The following SUSD5 variants were observed in gnomAD, a reference collection of about 807,000 sequenced individuals.
The protein encoded by SUSD5 is sushi domain-containing protein 5.
Under a neutral mutation model 29.5 loss-of-function variants are expected in SUSD5, and 33 were observed. The observed-to-expected ratio is 1.12, with a 90% confidence interval of 0.85 to 1.49. The LOEUF is 1.49. Among genes scored for constraint, SUSD5 ranks in the 40% most tolerant of loss-of-function variants. The probability of loss-of-function intolerance (pLI) is 0.00; values close to 1 mark genes in which losing one functional copy is unlikely to be tolerated. For missense variants in SUSD5, 776 were observed against 800.6 expected, an observed-to-expected ratio of 0.97 and a Z score of 0.37; for synonymous variants, 308 against 325.3, an observed-to-expected ratio of 0.95 and a Z score of 0.57.
intron 3 of SUSD5, among the ~76,000 whole-genome samples, chr3:33,194,951 T>C (rs957991889): frequency 2.6e-5 from 4 of 152,170 alleles, no homozygotes; most frequent in African/African-American, 7.2e-5. Flanking sequence ...TCCCAGCACT[T>C]TGGGAGGCCG....
At chr3:33,189,433 CGCTACTGCACTCCA>C (rs1435222345) in intron 3 of SUSD5, among the ~76,000 whole-genome samples, 2 of 137,632 alleles carry the variant, frequency 1.5e-5, no homozygotes, top group Non-Finnish European at 3.0e-5. Context: ...GCTGAGATCA[CGCTACTGCACTCCA>C]GCCCGGTGGG....
chr3:33,207,672 T>C, intron 3 of SUSD5, 136 bp downstream of exon 3: 2 of 582,820 alleles, frequency 3.4e-6, no homozygotes, highest in Non-Finnish European at 6.0e-6. Context: ...CACTATTGGC[T>C]TTTCTTTGGA....
At position 33,150,305 on chromosome 3, in the gene SUSD5, T is replaced by C. The variant is rs2030839177; in HGVS notation, c.*2437A>G. ...AGTCCATGTCTACAAATAAAACATT[T>C]ACCTGTATTAATAATTTGTAATAAA... On this transcript the variant is annotated 3_prime_UTR_variant, in exon 5 of 5. Transcript: ENST00000309558. 1 of 151,956 alleles carries C rather than the reference T, an allele frequency of 6.6e-6. No individual in the cohort carries two copies. The highest frequency in any genetic ancestry group is 2.4e-5 in the African/African-American group (1 of 41,380). 9.4% of individuals were successfully genotyped at this position (151,956 alleles called of 1,614,324 possible).
chr3:33,217,612 A>C (rs1219720533), intron 1 of SUSD5, among the ~76,000 whole-genome samples: 1 of 152,190 alleles, frequency 6.6e-6, no homozygotes, highest in African/African-American at 2.4e-5. Flanking sequence ...TCAAGCCTGC[A>C]CTTAAAACAG....
At chr3:33,170,070 C>T (rs1225584779) in intron 4 of SUSD5, among the ~76,000 whole-genome samples, 1 of 152,080 alleles carries the variant, frequency 6.6e-6, no homozygotes, top group Non-Finnish European at 1.5e-5. Context: ...GGCGCAATGC[C>T]ACCACGCCCA....
chr3:33,195,758 CAG>C (rs2031983772), intron 3 of SUSD5, among the ~76,000 whole-genome samples: 2 of 108,026 alleles, frequency 1.9e-5, no homozygotes, highest in South Asian at 3.1e-4. Flanking sequence ...AAAAAAAAAA[CAG>C]AATGCAATCT....
intron 4 of SUSD5, among the ~76,000 whole-genome samples, chr3:33,171,686 G>A (rs2031431089): frequency 2.6e-5 from 4 of 152,120 alleles, no homozygotes; most frequent in Admixed American, 1.3e-4. Context: ...GCACTGCAGC[G>A]TGGCTATGGT....
At chr3:33,186,378 C>T (rs1559451687) in intron 3 of SUSD5, among the ~76,000 whole-genome samples, 1 of 151,432 alleles carries the variant, frequency 6.6e-6, no homozygotes, top group Non-Finnish European at 1.5e-5. Flanking sequence ...GTGCTTTAAG[C>T]CACCCTGACT....
chr3:33,186,255 T>C (rs1225642950), intron 3 of SUSD5, among the ~76,000 whole-genome samples: 1 of 151,266 alleles, frequency 6.6e-6, no homozygotes, highest in Admixed American at 6.6e-5. Context: ...TGAGCCGAGA[T>C]TGCGCCACTG....
At chr3:33,197,120 G>GA (rs2032011194) in intron 3 of SUSD5, among the ~76,000 whole-genome samples, 1 of 152,108 alleles carries the variant, frequency 6.6e-6, no homozygotes, top group Non-Finnish European at 1.5e-5. Flanking sequence ...TGCAGCCTCA[G>GA]GGTCAAAAAA....
chr3:33,191,376 C>T (rs993929814), intron 3 of SUSD5, among the ~76,000 whole-genome samples: 17 of 152,112 alleles, frequency 1.1e-4, no homozygotes, highest in Admixed American at 8.5e-4. Flanking sequence ...ATGATCCACC[C>T]GCCTCGGCCT....
At chr3:33,207,327 C>T (rs1035919765) in intron 3 of SUSD5, among the ~76,000 whole-genome samples, 13 of 152,230 alleles carry the variant, frequency 8.5e-5, no homozygotes, top group Non-Finnish European at 1.6e-4. Flanking sequence ...TTACCATTCC[C>T]ATGCACACGG....
In SUSD5 at chr3:33,162,888, G is replaced by C. The variant is rs543901454; in HGVS notation, c.599-8855C>G. 9.1e-5 allele frequency among the ~76,000 whole-genome samples: 13 copies of C among 143,044 alleles called. No homozygotes were observed. The South Asian group carries it at 2.4e-3, about 27-fold the overall frequency. The allele number at this position is 143,044 out of a possible 152,430, so 93.8% of individuals were successfully genotyped here. A position where few individuals can be genotyped will look rare whatever the true frequency, so the allele number is the denominator to read the frequency against. ...CCTGAGATGGTGCCATTGCACTCCA[G>C]CCTGGGCAACGAGAGCAAAACTCCA... On this transcript the variant is annotated intron_variant, in intron 4 of 4. Coordinates refer to ENST00000309558, the MANE Select transcript of SUSD5 (RefSeq NM_015551.2).
chr3:33,153,475 GC>G lies in SUSD5; in HGVS notation c.1156del (p.Ala386GlnfsTer14). On this transcript the variant is annotated frameshift_variant, in exon 5 of 5. Transcript: ENST00000309558. LOFTEE classifies it low-confidence loss of function (END_TRUNC). ...VTEGAWRKTE[A>X]EEEEDGDRGD... is the part of the protein sequence containing the mutation. ...TCTGTCCCCATCTTCTTCCTCTTCT[GC>G]CTCTGTCTTCCTCCAAGCCCCCTCT... 6.2e-7 allele frequency: 1 copy of G among 1,613,910 alleles called. No individual in the cohort carries two copies. The highest frequency in any genetic ancestry group is 8.5e-7 in the Non-Finnish European group (1 of 1,179,954).
intron 3 of SUSD5, among the ~76,000 whole-genome samples, chr3:33,192,263 T>G (rs2031909124): frequency 6.7e-6 from 1 of 148,764 alleles, no homozygotes; most frequent in South Asian, 2.2e-4. Context: ...TTTTTTTTTT[T>G]GTATTTTTAG....
At chr3:33,184,191 C>T (rs1369203047) in intron 3 of SUSD5, among the ~76,000 whole-genome samples, 8 of 151,940 alleles carry the variant, frequency 5.3e-5, no homozygotes, top group African/African-American at 1.9e-4. Flanking sequence ...CTGCCTGCCT[C>T]AGCCTCCCAA....
Position 33,202,827 on chromosome 3 carries a change from C to T in SUSD5, c.409+4981G>A, listed in dbSNP as rs1345970604. ...CTGAAAGGAAAATGAGAAAAGTCTA[C>T]ATTCACGATGAACTTTATAAAGAAA... On this transcript the variant is annotated intron_variant, in intron 3 of 4. Transcript: ENST00000309558. 3.3e-5 allele frequency among the ~76,000 whole-genome samples: 5 copies of T among 152,342 alleles called. No homozygotes were observed. The East Asian group carries it at 9.6e-4, about 29-fold the overall frequency.
In SUSD5 at chr3:33,167,216, C is replaced by T. The variant is rs2031323878; in HGVS notation, c.598+7670G>A. On this transcript the variant is annotated intron_variant, in intron 4 of 4. Transcript: ENST00000309558. This position sits in a 1 kb window ranked among gnomAD's most constrained non-coding sequence, Gnocchi z 4.1. ...TATATATATAAATATATATATAAAA[C>T]ATAAAGTCAAAAGGCACCTGGAACA... Among the ~76,000 whole-genome samples the T allele has an allele frequency of 6.6e-6, 1 of 151,074 alleles. No homozygotes were observed. Among genetic ancestry groups the T allele is most frequent in the South Asian group, 2.1e-4 (1 of 4,792 alleles).
Position 33,152,529 on chromosome 3 carries a change from T to C in SUSD5, c.*213A>G. ...TTAGTGTAGTCAATTCCAGGGCAGA[T>C]GGTGGAGGAGACATTGACATGAGTG... On this transcript the variant is annotated 3_prime_UTR_variant, in exon 5 of 5. Transcript: ENST00000309558. 1 of 563,702 alleles carries C rather than the reference T, an allele frequency of 1.8e-6. No individual in the cohort carries two copies. Among genetic ancestry groups the C allele is most frequent in the Non-Finnish European group, 3.1e-6 (1 of 321,796 alleles). The allele number at this position is 563,702 out of a possible 1,614,324, so 34.9% of individuals were successfully genotyped here.
Sources: allele counts gnomAD v4.1 joint callset (sites outside exome capture counted in the v4.1 genomes callset), GRCh38; gene constraint gnomAD v4.1.1; non-coding constraint Gnocchi (gnomAD v3.1); transcripts MANE v1.5; gene names NCBI Gene and HGNC (gene_info 2026-07-23, HGNC 2026-07-21).